COL17A1: variants seen among roughly 807,000 people sequenced by gnomAD.
The protein encoded by COL17A1 is collagen type XVII alpha 1 chain.
COL17A1 carries 181 observed loss-of-function variants against 218.4 expected under a neutral mutation model. That is an observed-to-expected ratio of 0.83 (90% confidence interval 0.73 to 0.94). The LOEUF is 0.94. Among genes scored for constraint, COL17A1 ranks in the 40% least tolerant of loss-of-function variants. The pLI is 0.00. For synonymous variants in COL17A1, 721 were observed against 731.0 expected (o/e 0.99, Z 0.22); for missense variants, 1,924 against 1,945.9 (o/e 0.99, Z 0.21).
chr10:104,053,473 C>T (rs1381904030), intron 22 of COL17A1, among the ~76,000 whole-genome samples: 3 of 152,164 alleles, frequency 2.0e-5, no homozygotes, highest in Non-Finnish European at 2.9e-5. Context: ...TCTTCCCCTT[C>T]CTGATGCTCC....
At position 104,032,000 on chromosome 10, in the gene COL17A1, A is replaced by G. The variant is rs1844690380; in HGVS notation, c.*235T>C. On this transcript the variant is annotated 3_prime_UTR_variant, in exon 56 of 56. Transcript: ENST00000648076. ...ATAGCAGAGAAGTAAGTCTCATTCTAAAACATTGCAACTACTGTTAGAGTC... is the reference window on the plus strand; with the variant it reads ...ATAGCAGAGAAGTAAGTCTCATTCTGAAACATTGCAACTACTGTTAGAGTC... 1 of 596,802 alleles carries G rather than the reference A, an allele frequency of 1.7e-6. No homozygotes were observed. Among genetic ancestry groups the G allele is most frequent in the Middle Eastern group, 4.5e-4 (1 of 2,244 alleles). The allele number at this position is 596,802 out of a possible 1,614,324, so 37.0% of individuals were successfully genotyped here.
chr10:104,079,389 ATGTG>A (rs144772803), intron 2 of COL17A1, among the ~76,000 whole-genome samples: 5 of 150,618 alleles, frequency 3.3e-5, no homozygotes, highest in South Asian at 2.1e-4. Context: ...GTGTGCATGT[ATGTG>A]TGTGTGTGTG....
intron 44 of COL17A1, 136 bp from the exon 45 acceptor site, chr10:104,038,664 T>C: frequency 1.8e-6 from 2 of 1,116,154 alleles, no homozygotes; most frequent in Non-Finnish European, 1.3e-6. Flanking sequence ...AGGAGAAGGG[T>C]CCCCGAGAAG....
chr10:104,059,485 AG>A, intron 15 of COL17A1, 152 bp downstream of exon 15: 1 of 724,112 alleles, frequency 1.4e-6, no homozygotes, highest in African/African-American at 1.7e-5. Flanking sequence ...GATCTGAGCT[AG>A]GGCTGGGATC....
intron 9 of COL17A1, among the ~76,000 whole-genome samples, chr10:104,067,523 G>A (rs1323798200): frequency 6.6e-6 from 1 of 152,116 alleles, no homozygotes; most frequent in East Asian, 1.9e-4. Context: ...GAAACGAATT[G>A]GAAAAAGAGA....
At position 104,070,516 on chromosome 10, in the gene COL17A1, C is replaced by A. The variant is rs1196569336; in HGVS notation, c.517G>T (p.Val173Leu). The A allele has an allele frequency of 6.2e-7, 1 of 1,614,192 alleles. No homozygotes were observed. Among genetic ancestry groups the A allele is most frequent in the Non-Finnish European group, 8.5e-7 (1 of 1,180,044 alleles). Reference sequence around the variant, plus strand: ...TTGGAGGAATTCCGGGTGGGGCTCACACTTGCCGATCGACTCCCCTTGAGC... The same window carrying A: ...TTGGAGGAATTCCGGGTGGGGCTCAAACTTGCCGATCGACTCCCCTTGAGC... Reference protein sequence around the residue: ...RLLKGSRSASVSPTRNSSNTL... With the variant: ...RLLKGSRSASLSPTRNSSNTL... The change falls in exon 9 of 56, where the codon GTG becomes TTG. Residue 173 changes from valine to leucine, a missense_variant. Transcript: ENST00000648076.
chr10:104,052,315 C>T (rs1331253838), intron 23 of COL17A1, 98 bp from the exon 24 acceptor site: 1 of 1,515,244 alleles, frequency 6.6e-7, no homozygotes, highest in African/African-American at 1.4e-5. Context: ...TCCCACCCTG[C>T]TAGTGGTCTT....
Position 104,051,528 on chromosome 10 carries a change from G to A in COL17A1, c.2003-12C>T. On this transcript the variant is annotated splice_polypyrimidine_tract_variant and intron_variant, in intron 24 of 55. Coordinates refer to ENST00000648076, the MANE Select transcript of COL17A1 (RefSeq NM_000494.4). The stretch of plus-strand genomic sequence containing the variant: ...AGAGCCGCTGGAACCTGAGAAGGAG[G>A]ACAAGACAGCAATCAGCAGAGGGGC... The A allele has an allele frequency of 6.2e-7, 1 of 1,614,002 alleles. No individual in the cohort carries two copies. Among genetic ancestry groups the A allele is most frequent in the Non-Finnish European group, 8.5e-7 (1 of 1,180,020 alleles).
At chr10:104,082,781 C>T (rs1437278852) in intron 1 of COL17A1, among the ~76,000 whole-genome samples, 1 of 152,210 alleles carries the variant, frequency 6.6e-6, no homozygotes, top group Admixed American at 6.5e-5. Flanking sequence ...TTATCCAAAA[C>T]ATAGCAGGCA....
At chr10:104,056,468 G>T (rs2086527892) in intron 17 of COL17A1, among the ~76,000 whole-genome samples, 1 of 152,100 alleles carries the variant, frequency 6.6e-6, no homozygotes, top group African/African-American at 2.4e-5. Flanking sequence ...TGTAGTCCCA[G>T]CTACTCAGGA....
At position 104,032,058 on chromosome 10, in the gene COL17A1, T is replaced by C; in HGVS notation, c.*177A>G. On this transcript the variant is annotated 3_prime_UTR_variant, in exon 56 of 56. Coordinates refer to ENST00000648076, the MANE Select transcript of COL17A1 (RefSeq NM_000494.4). ...TGAAGCTGTTTCAGATTGTGTATCT[T>C]TGACTGAATTCTATAAGTATATATT... is the stretch of plus-strand genomic sequence containing the variant. The C allele has an allele frequency of 7.8e-6, 5 of 638,490 alleles. No homozygotes were observed. Among genetic ancestry groups the C allele is most frequent in the Non-Finnish European group, 1.1e-5 (4 of 354,426 alleles). 39.6% of individuals were successfully genotyped at this position (638,490 alleles called of 1,614,324 possible).
At chr10:104,073,164 A>T in intron 7 of COL17A1, 46 bp downstream of exon 7, 1 of 1,581,900 alleles carries the variant, frequency 6.3e-7, no homozygotes, top group Non-Finnish European at 8.7e-7. Context: ...ACTTCTCAGA[A>T]AATACTTGTT....
At chr10:104,050,812 A>T (rs1462230748) in intron 26 of COL17A1, 36 bp downstream of exon 26, 4 of 1,613,712 alleles carry the variant, frequency 2.5e-6, no homozygotes, top group Non-Finnish European at 3.4e-6. Flanking sequence ...TGTCCATCAG[A>T]CCCTCACTGT....
chr10:104,032,221 C>G lies in COL17A1; in HGVS notation c.*14G>C, dbSNP rs1844693601. The G allele has an allele frequency of 6.2e-7, 1 of 1,611,188 alleles. No homozygotes were observed. Among genetic ancestry groups the G allele is most frequent in the Admixed American group, 1.7e-5 (1 of 59,998 alleles). On this transcript the variant is annotated 3_prime_UTR_variant, in exon 56 of 56. Coordinates refer to ENST00000648076, the MANE Select transcript of COL17A1 (RefSeq NM_000494.4). The stretch of plus-strand genomic sequence containing the variant: ...TATGAGACCTGGTCCAGGAGCTGTC[C>G]TGCCATGGCTAGCTCACGGCTTGAC...
intron 15 of COL17A1, 32 bp from the exon 16 acceptor site, chr10:104,058,222 T>C: frequency 6.2e-7 from 1 of 1,614,010 alleles, no homozygotes; most frequent in African/African-American, 1.3e-5. Flanking sequence ...CCTGAGCTTT[T>C]AAACTGGAGG....
rs2086557770 is a variant in COL17A1 at position 104,059,086 on chromosome 10, C to T, written c.1222+552G>A. ...CCTACCCCTAAAATGTCAGGAACTG[C>T]TAACTTTAAAGACTTACAGTCAGGT... is the stretch of plus-strand genomic sequence containing the variant. On this transcript the variant is annotated intron_variant, in intron 15 of 55. Transcript: ENST00000648076. Among the ~76,000 whole-genome samples the T allele has an allele frequency of 2.6e-5, 4 of 152,322 alleles. No homozygotes were observed. The South Asian group carries it at 8.3e-4, about 32-fold the overall frequency.
intron 9 of COL17A1, among the ~76,000 whole-genome samples, 159 bp from the exon 10 acceptor site, chr10:104,064,755 C>G (rs2134635729): frequency 6.6e-6 from 1 of 152,320 alleles, no homozygotes; most frequent in Non-Finnish European, 1.5e-5. Context: ...TAGTTTCCAT[C>G]TGAAATCTCA....
At chr10:104,052,960 G>A in intron 23 of COL17A1, 71 bp downstream of exon 23, 1 of 1,539,018 alleles carries the variant, frequency 6.5e-7, no homozygotes, top group Non-Finnish European at 9.0e-7. Context: ...GAGTGAAGGA[G>A]GGACGGGTGT....
intron 17 of COL17A1, 109 bp downstream of exon 17, chr10:104,056,866 C>A: frequency 6.5e-7 from 1 of 1,537,986 alleles, no homozygotes; most frequent in Non-Finnish European, 8.7e-7. Flanking sequence ...ATTCAGGTCC[C>A]CTCGCCCCCT....
Sources: allele counts gnomAD v4.1 joint callset (sites outside exome capture counted in the v4.1 genomes callset), GRCh38; gene constraint gnomAD v4.1.1; transcripts MANE v1.5; gene names NCBI Gene and HGNC (gene_info 2026-07-23, HGNC 2026-07-21).